Variants in CYP2U1 observed in about 807,000 individuals in gnomAD.
CYP2U1 encodes the protein cytochrome P450 2U1.
CYP2U1 carries 28 observed loss-of-function variants against 42.8 expected under a neutral mutation model. The ratio of observed to expected loss-of-function variants is 0.65; its 90% confidence interval spans 0.48 to 0.90. The LOEUF (loss-of-function observed/expected upper bound fraction) is 0.90. Ranked by LOEUF, CYP2U1 falls within the 40% of genes least tolerant of loss-of-function variation. The pLI is 0.00. For synonymous variants in CYP2U1, 296 were observed against 278.9 expected, an observed-to-expected ratio of 1.06 and a Z score of -0.61; for missense variants, 642 against 693.8, an observed-to-expected ratio of 0.93 and a Z score of 0.84.
intron 3 of CYP2U1, 145 bp from the exon 4 acceptor site, chr4:107,949,205 C>A: frequency 1.0e-5 from 7 of 697,484 alleles, no homozygotes; most frequent in Non-Finnish European, 1.5e-5. Context: ...AGATCTTATC[C>A]CTGCCCTCAA....
chr4:107,946,708 T>C (rs2126200492), intron 2 of CYP2U1, among the ~76,000 whole-genome samples: 1 of 152,234 alleles, frequency 6.6e-6, no homozygotes, highest in East Asian at 1.9e-4. Flanking sequence ...GGGTTTCTCA[T>C]GAAGTTAGAG....
Position 107,932,146 on chromosome 4 carries a change from TC to T in CYP2U1, c.490+14del. Reference sequence around the variant, plus strand: ...ACCAAGGAGAAGGGTGAGCGGGAGGTCGTGGGCTGTGGGTACGCGGATGCCG... The same window carrying T: ...ACCAAGGAGAAGGGTGAGCGGGAGGTGTGGGCTGTGGGTACGCGGATGCCG... On this transcript the variant is annotated intron_variant, in intron 1 of 4. Coordinates refer to ENST00000332884, the MANE Select transcript of CYP2U1 (RefSeq NM_183075.3). The T allele has an allele frequency of 6.3e-7, 1 of 1,596,812 alleles. No homozygotes were observed. Among genetic ancestry groups the T allele is most frequent in the Non-Finnish European group, 8.5e-7 (1 of 1,172,854 alleles).
At position 107,950,237 on chromosome 4, in the gene CYP2U1, AT is replaced by A; in HGVS notation, c.1457-3del. The A allele has an allele frequency of 6.3e-7, 1 of 1,587,080 alleles. No individual in the cohort carries two copies. Among genetic ancestry groups the A allele is most frequent in the Non-Finnish European group, 8.6e-7 (1 of 1,169,380 alleles). ...TAATCCTTCATTTTTTTCTGATCTC[AT>A]TTTTAGGGAAGCGGGTGTGTATGGG... On this transcript the variant is annotated splice_polypyrimidine_tract_variant and splice_region_variant and intron_variant, in intron 4 of 4. Transcript: ENST00000332884.
chr4:107,944,852 T>TATACATATATATA (rs536313224), intron 1 of CYP2U1, 118 bp from the exon 2 acceptor site: 538 of 100,336 alleles, frequency 5.4e-3, no homozygotes, highest in Non-Finnish European at 7.1e-3. Flanking sequence ...ATATATATAT[T>TATACATATATATA]TATATGAGGA....
Position 107,931,702 on chromosome 4 carries a change from T to C in CYP2U1, c.59T>C (p.Leu20Pro), listed in dbSNP as rs2126188009. 7.4e-7 allele frequency: 1 copy of C among 1,346,168 alleles called. No individual in the cohort carries two copies. Among genetic ancestry groups the C allele is most frequent in the African/African-American group, 1.5e-5 (1 of 64,884 alleles). 83.4% of individuals were successfully genotyped at this position (1,346,168 alleles called of 1,614,324 possible). Residue 20 changes from leucine (L) to proline (P), a missense_variant, in exon 1 of 5, where the codon CTC becomes CCC. By Grantham distance (98) the Leu-to-Pro change is moderately conservative (BLOSUM62 -3). Transcript: ENST00000332884. ...PAEDPPWPARLLRAPLGLLRL... is the reference protein window; with the variant it reads ...PAEDPPWPARPLRAPLGLLRL... ...GAGGACCCGCCCTGGCCCGCGCGCC[T>C]CCTGCGTGCGCCTCTGGGGCTGCTG... is the stretch of plus-strand genomic sequence containing the variant.
chr4:107,944,960 C>A lies in CYP2U1; in HGVS notation c.491-10C>A. The A allele has an allele frequency of 6.3e-7, 1 of 1,595,320 alleles. No individual in the cohort carries two copies. The highest frequency in any genetic ancestry group is 8.5e-7 in the Non-Finnish European group (1 of 1,171,602). ...GTTTCTCATCTTCCTTTCTTGGTGT[C>A]CCTTTGCAGGGGTTGTGTTTGCACA... On this transcript the variant is annotated splice_polypyrimidine_tract_variant and intron_variant, in intron 1 of 4. Coordinates refer to ENST00000332884, the MANE Select transcript of CYP2U1 (RefSeq NM_183075.3).
At chr4:107,936,827 G>T (rs2126193338) in intron 1 of CYP2U1, among the ~76,000 whole-genome samples, 1 of 152,110 alleles carries the variant, frequency 6.6e-6, no homozygotes, top group South Asian at 2.1e-4. Context: ...TGCCTATGTT[G>T]GATACTTAAA....
In CYP2U1 at chr4:107,931,880, C is replaced by A; in HGVS notation, c.237C>A (p.Pro79=). The A allele has an allele frequency of 6.5e-7, 1 of 1,548,762 alleles. No homozygotes were observed. Among genetic ancestry groups the A allele is most frequent in the Non-Finnish European group, 8.7e-7 (1 of 1,145,736 alleles). The change falls in exon 1 of 5, where the codon CCC becomes CCA. Residue 79 remains proline (P), a synonymous_variant. Coordinates refer to ENST00000332884, the MANE Select transcript of CYP2U1 (RefSeq NM_183075.3). ...VGNFGHVLLP[P]FLRRRSWLSS... The stretch of plus-strand genomic sequence containing the variant: ...ACTTCGGTCACGTGCTGCTGCCTCC[C>A]TTCCTCCGGCGGCGGAGCTGGCTGA...
chr4:107,942,365 A>G (rs569210386), intron 1 of CYP2U1, among the ~76,000 whole-genome samples: 3 of 152,328 alleles, frequency 2.0e-5, no homozygotes, highest in African/African-American at 7.2e-5. Context: ...AAAATAAAAT[A>G]AAGGAAAAAG....
In CYP2U1 at chr4:107,945,426, A is replaced by T. The variant is rs397514513; in HGVS notation, c.947A>T (p.Asp316Val). The T allele has an allele frequency of 4.3e-6, 7 of 1,614,128 alleles. No homozygotes were observed. The Middle Eastern group carries it at 1.2e-3, about 266-fold the overall frequency. Residue 316 changes from aspartate (D) to valine (V), a missense_variant, in exon 2 of 5, where the codon GAC becomes GTC. Asp to Val is a radical substitution (Grantham distance 152, BLOSUM62 -3). Coordinates refer to ENST00000332884, the MANE Select transcript of CYP2U1 (RefSeq NM_183075.3). ...TCTCTGGATAGAGAGAACCCTCAGGACTTCATAGACATGTACCTTCTCCAC... is the reference window on the plus strand; with the variant it reads ...TCTCTGGATAGAGAGAACCCTCAGGTCTTCATAGACATGTACCTTCTCCAC... ...QESLDRENPQ[D>V]FIDMYLLHME...
chr4:107,950,204 T>C (rs1346442199), intron 4 of CYP2U1, 41 bp from the exon 5 acceptor site: 2 of 1,519,946 alleles, frequency 1.3e-6, no homozygotes, highest in African/African-American at 2.8e-5. Context: ...GGAGAAGGGA[T>C]GGTATTATAA....
At position 107,952,095 on chromosome 4, in the gene CYP2U1, C is replaced by T. The variant is rs1733931000; in HGVS notation, c.*1672C>T. 6.6e-6 allele frequency: 1 copy of T among 152,264 alleles called. No homozygotes were observed. The allele number at this position is 152,264 out of a possible 1,614,324, so 9.4% of individuals were successfully genotyped here. On this transcript the variant is annotated 3_prime_UTR_variant, in exon 5 of 5. Coordinates refer to ENST00000332884, the MANE Select transcript of CYP2U1 (RefSeq NM_183075.3). ...GTGAGGATGTTGTGCTGTTTGCCTCCCTCACAGTGCCTTGGTCTTAGTGGA... is the reference window on the plus strand; with the variant it reads ...GTGAGGATGTTGTGCTGTTTGCCTCTCTCACAGTGCCTTGGTCTTAGTGGA...
At chr4:107,933,327 T>C (rs1330876946) in intron 1 of CYP2U1, among the ~76,000 whole-genome samples, 2 of 152,166 alleles carry the variant, frequency 1.3e-5, no homozygotes, top group Non-Finnish European at 2.9e-5. Context: ...GTTAAGATGG[T>C]AAATTTTATA....
In CYP2U1 at chr4:107,947,432, A is replaced by G; in HGVS notation, c.1183A>G (p.Thr395Ala). The G allele has an allele frequency of 6.2e-7, 1 of 1,614,150 alleles. No individual in the cohort carries two copies. The highest frequency in any genetic ancestry group is 8.5e-7 in the Non-Finnish European group (1 of 1,180,012). Residue 395 changes from threonine to alanine, a missense_variant, in exon 3 of 5, where the codon ACA (threonine) becomes GCA (alanine). By Grantham distance (58) the Thr-to-Ala change is moderately conservative (BLOSUM62 0). Coordinates refer to ENST00000332884, the MANE Select transcript of CYP2U1 (RefSeq NM_183075.3). Reference protein sequence around the residue: ...VIGANRAPSLTDKAQMPYTEA... With the variant: ...VIGANRAPSLADKAQMPYTEA... ...TGGCGCCAACCGAGCTCCTTCCCTC[A>G]CAGACAAGGCCCAGATGCCCTACAC...
At chr4:107,936,028 A>G (rs912106540) in intron 1 of CYP2U1, 11 of 152,346 alleles carry the variant, frequency 7.2e-5, no homozygotes, top group African/African-American at 2.4e-4. Context: ...ATTTGCTGAA[A>G]AGTTCCAGAA....
At position 107,945,560 on chromosome 4, in the gene CYP2U1, T is replaced by C; in HGVS notation, c.1081T>C (p.Leu361=). The C allele has an allele frequency of 1.2e-6, 2 of 1,608,534 alleles. No homozygotes were observed. The highest frequency in any genetic ancestry group is 1.7e-6 in the Non-Finnish European group (2 of 1,176,330). Reference sequence around the variant, plus strand: ...TGGGACTGATACCACAACTAACTCTTTGCTCTGGTGCCTGCTGTATATGTC... The same window carrying C: ...TGGGACTGATACCACAACTAACTCTCTGCTCTGGTGCCTGCTGTATATGTC... ...IAGTDTTTNS[L]LWCLLYMSLN... The change falls in exon 2 of 5, where the codon TTG becomes CTG. Residue 361 remains leucine (L), a synonymous_variant. Transcript: ENST00000332884.
At chr4:107,935,986 CAA>C (rs1418815834) in intron 1 of CYP2U1, 1 of 152,124 alleles carries the variant, frequency 6.6e-6, no homozygotes, top group African/African-American at 2.4e-5. Flanking sequence ...TTTCATAACG[CAA>C]AGAGAGGCTA....
At chr4:107,939,933 T>C (rs1191645608) in intron 1 of CYP2U1, among the ~76,000 whole-genome samples, 3 of 152,068 alleles carry the variant, frequency 2.0e-5, no homozygotes, top group African/African-American at 7.2e-5. Flanking sequence ...GGGTGAAAGT[T>C]TGACAGAGAA....
chr4:107,933,176 G>A (rs1402506798), intron 1 of CYP2U1, among the ~76,000 whole-genome samples: 1 of 152,128 alleles, frequency 6.6e-6, no homozygotes, highest in African/African-American at 2.4e-5. Context: ...CTTATATGAG[G>A]TGCCTCCTAG....
Sources: gnomAD v4.1 joint callset for allele counts (sites outside exome capture counted in the v4.1 genomes callset) on GRCh38, gnomAD v4.1.1 for gene constraint, MANE v1.5 for transcripts, NCBI Gene and HGNC (gene_info 2026-07-23, HGNC 2026-07-21) for gene names.